Variants in GATA4 observed in about 807,000 individuals in gnomAD.
The protein encoded by GATA4 is GATA binding protein 4.
In GATA4, 7 loss-of-function variants were observed where a neutral mutation model predicts 37.9. That is an observed-to-expected ratio of 0.18 (90% confidence interval 0.11 to 0.35). The LOEUF (loss-of-function observed/expected upper bound fraction) is 0.35, where lower values mean the gene tolerates loss of function less well. GATA4 is among the 10% of genes least tolerant of loss of function. The pLI is 1.00. For synonymous variants in GATA4, 372 were observed against 292.6 expected, an observed-to-expected ratio of 1.27 and a Z score of -2.77; for missense variants, 647 against 653.0, an observed-to-expected ratio of 0.99 and a Z score of 0.10.
intron 2 of GATA4, among the ~76,000 whole-genome samples, chr8:11,744,963 C>G (rs1387252069): frequency 6.6e-6 from 1 of 152,192 alleles, no homozygotes; most frequent in Non-Finnish European, 1.5e-5. Context: ...TATTGATATT[C>G]AAATCCAATT....
chr8:11,754,241 G>C (rs1802443808), intron 4 of GATA4, among the ~76,000 whole-genome samples: 1 of 152,204 alleles, frequency 6.6e-6, no homozygotes, highest in Non-Finnish European at 1.5e-5. Flanking sequence ...TTTGAAGATA[G>C]GGCCTTGCTC....
chr8:11,700,001 A>G (rs1799622543), upstream of GATA4, among the ~76,000 whole-genome samples: 1 of 152,250 alleles, frequency 6.6e-6, no homozygotes, highest in Non-Finnish European at 1.5e-5. Flanking sequence ...TCCAGGTTCT[A>G]GACCTGCAGT....
intron 4 of GATA4, among the ~76,000 whole-genome samples, chr8:11,752,446 A>G (rs922306495): frequency 6.6e-6 from 1 of 152,216 alleles, no homozygotes; most frequent in African/African-American, 2.4e-5. Context: ...GAGCCAAGCA[A>G]AAGGGGTTTC....
intron 2 of GATA4, among the ~76,000 whole-genome samples, chr8:11,738,344 C>G (rs1220100509): frequency 6.6e-6 from 1 of 152,030 alleles, no homozygotes; most frequent in Non-Finnish European, 1.5e-5. Flanking sequence ...TGTCTGTCCT[C>G]CTAAAAATGT....
rs1802197070 is a variant in GATA4 at position 11,749,625 on chromosome 8, C to A, written c.787-486C>A. 6.6e-6 allele frequency among the ~76,000 whole-genome samples: 1 copy of A among 152,176 alleles called. No homozygotes were observed. The highest frequency in any genetic ancestry group is 2.4e-5 in the African/African-American group (1 of 41,436). On this transcript the variant is annotated intron_variant, in intron 3 of 6. Coordinates refer to ENST00000532059, the MANE Select transcript of GATA4 (RefSeq NM_001308093.3). The surrounding 1 kb of genome is among the most constrained non-coding windows in gnomAD (Gnocchi z 4.6). Reference sequence around the variant, plus strand: ...TAATATAATTTGATTCTGGTCAACACCAACCAGCTTGCACTATATTAAGGA... The same window carrying A: ...TAATATAATTTGATTCTGGTCAACAACAACCAGCTTGCACTATATTAAGGA...
At chr8:11,731,991 G>A (rs1801234220) in intron 2 of GATA4, among the ~76,000 whole-genome samples, 1 of 152,304 alleles carries the variant, frequency 6.6e-6, no homozygotes, top group Non-Finnish European at 1.5e-5. Flanking sequence ...CAGCAGGGCT[G>A]ATCACTAAGG....
chr8:11,721,540 G>T (rs992223642), intron 2 of GATA4, among the ~76,000 whole-genome samples: 2 of 152,004 alleles, frequency 1.3e-5, no homozygotes, highest in African/African-American at 4.8e-5. Context: ...CATCGGAGAA[G>T]GAACTCTGGT....
intron 1 of GATA4, among the ~76,000 whole-genome samples, chr8:11,682,604 TAA>T (rs34065675): frequency 2.0e-5 from 3 of 151,946 alleles, no homozygotes; most frequent in Admixed American, 2.0e-4. Context: ...CTTTAACTCT[TAA>T]AAAAAAATTC....
Position 11,758,348 on chromosome 8 carries a change from C to A in GATA4, c.1205C>A (p.Ser402Ter). The A allele has an allele frequency of 6.2e-7, 1 of 1,614,186 alleles. No homozygotes were observed. Among genetic ancestry groups the A allele is most frequent in the Non-Finnish European group, 8.5e-7 (1 of 1,180,028 alleles). ...GHGPSIHPVL[S>*]ALKLSPQGYA... ...GGGCCCTCCATCCACCCTGTCCTCT[C>A]GGCCCTGAAGCTCTCCCCACAAGGC... The change falls in exon 7 of 7, where the codon TCG becomes TAG. Residue 402 changes from serine to a stop codon, truncating the protein, a stop_gained. Transcript: ENST00000532059. LOFTEE classifies it high-confidence loss of function.
At chr8:11,721,233 C>T (rs532948302) in intron 2 of GATA4, among the ~76,000 whole-genome samples, 1 of 151,146 alleles carries the variant, frequency 6.6e-6, no homozygotes, top group East Asian at 2.0e-4. Flanking sequence ...GCAAGGCAGA[C>T]TTGTGGCATC....
chr8:11,683,010 A>C (rs1298647356), intron 1 of GATA4: 1 of 946,260 alleles, frequency 1.1e-6, no homozygotes, highest in Non-Finnish European at 1.3e-6. Flanking sequence ...AAGAGTCTTG[A>C]GGTGGAAACA....
At chr8:11,693,538 CACACACACACA>C (rs1051998758) in intron 1 of GATA4, among the ~76,000 whole-genome samples, 5 of 107,772 alleles carry the variant, frequency 4.6e-5, no homozygotes, top group African/African-American at 1.8e-4. Flanking sequence ...CACACACACA[CACACACACACA>C]CACACACACA....
chr8:11,742,351 C>A (rs1385081220), intron 2 of GATA4, among the ~76,000 whole-genome samples: 1 of 151,806 alleles, frequency 6.6e-6, no homozygotes, highest in Non-Finnish European at 1.5e-5. Flanking sequence ...TCTCTACGTT[C>A]CCCCCTCCCT....
intron 1 of GATA4, among the ~76,000 whole-genome samples, chr8:11,693,562 CAG>C (rs139631153): frequency 0.034 from 2,453 of 71,816 alleles, 34 homozygotes; most frequent in East Asian, 0.23. Flanking sequence ...CACACACACA[CAG>C]AGAGAGAGAG....
chr8:11,719,451 C>G (rs557293887), intron 2 of GATA4, among the ~76,000 whole-genome samples: 1 of 152,024 alleles, frequency 6.6e-6, no homozygotes, highest in Non-Finnish European at 1.5e-5. Flanking sequence ...AAAGAAAATG[C>G]TTTCCAGGCA....
At position 11,749,179 on chromosome 8, in the gene GATA4, G is replaced by A. The variant is rs1802175421; in HGVS notation, c.786+94G>A. 7.9e-7 allele frequency: 1 copy of A among 1,261,710 alleles called. No individual in the cohort carries two copies. Among genetic ancestry groups the A allele is most frequent in the Non-Finnish European group, 1.1e-6 (1 of 888,376 alleles). 78.2% of individuals were successfully genotyped at this position (1,261,710 alleles called of 1,614,324 possible). A position where few individuals can be genotyped will look rare whatever the true frequency, so the allele number is the denominator to read the frequency against. The stretch of plus-strand genomic sequence containing the variant: ...CTGGTTTTGAATTTTGGAACTTGAG[G>A]GTGTGCATCGGGGATTACGTGGGTG... On this transcript the variant is annotated intron_variant, in intron 3 of 6. Transcript: ENST00000532059. This position sits in a 1 kb window ranked among gnomAD's most constrained non-coding sequence, Gnocchi z 4.6.
intron 2 of GATA4, among the ~76,000 whole-genome samples, chr8:11,721,742 T>C (rs1563208434): frequency 1.3e-5 from 2 of 152,178 alleles, no homozygotes; most frequent in Non-Finnish European, 2.9e-5. Flanking sequence ...ACCCAGAAGG[T>C]CAAGCATCTT....
At chr8:11,754,110 C>A (rs1244269040) in intron 4 of GATA4, among the ~76,000 whole-genome samples, 1 of 152,244 alleles carries the variant, frequency 6.6e-6, no homozygotes, top group Non-Finnish European at 1.5e-5. Context: ...CCAGCCAGAC[C>A]CAATGCAGTA....
At chr8:11,734,867 A>G (rs936671101) in intron 2 of GATA4, among the ~76,000 whole-genome samples, 2 of 152,174 alleles carry the variant, frequency 1.3e-5, no homozygotes, top group South Asian at 2.1e-4. Context: ...CAAATGCCCA[A>G]CCTCCAAATA....
Sources: gnomAD v4.1 joint callset for allele counts (sites outside exome capture counted in the v4.1 genomes callset) on GRCh38, gnomAD v4.1.1 for gene constraint, Gnocchi (gnomAD v3.1) non-coding constraint, MANE v1.5 for transcripts, NCBI Gene and HGNC (gene_info 2026-07-23, HGNC 2026-07-21) for gene names.